Variants in RASSF8 observed in about 807,000 individuals in gnomAD.
The protein encoded by RASSF8 is Ras association domain family member 8.
RASSF8 carries 22 observed loss-of-function variants against 48.5 expected under a neutral mutation model. The ratio of observed to expected loss-of-function variants is 0.45; its 90% CI spans 0.32 to 0.65. RASSF8 has a LOEUF of 0.65. RASSF8 is among the 30% of genes least tolerant of loss of function. The pLI is 0.03. For synonymous variants in RASSF8, 127 were observed against 171.5 expected, an observed-to-expected ratio of 0.74 and a Z score of 2.03; for missense variants, 418 against 489.2, an observed-to-expected ratio of 0.85 and a Z score of 1.37.
chr12:26,020,468 T>C (rs920465431), intron 2 of RASSF8: 2 of 152,134 alleles, frequency 1.3e-5, no homozygotes, highest in African/African-American at 4.8e-5. Flanking sequence ...TAAAAATAGA[T>C]TGTAAATATA....
intron 2 of RASSF8, among the ~76,000 whole-genome samples, chr12:26,050,505 A>C (rs1943469235): frequency 6.6e-6 from 1 of 152,212 alleles, no homozygotes; most frequent in Admixed American, 6.5e-5. Context: ...GTCTTGACTC[A>C]AATCACACAA....
chr12:25,983,548 T>G (rs1292389561), intron 1 of RASSF8, among the ~76,000 whole-genome samples: 1 of 152,224 alleles, frequency 6.6e-6, no homozygotes, highest in Non-Finnish European at 1.5e-5. Context: ...TTAAAAATGT[T>G]GGGACCAACC....
At chr12:26,073,115 C>T (rs1422951561), downstream of RASSF8, among the ~76,000 whole-genome samples, 1 of 152,146 alleles carries the variant, frequency 6.6e-6, no homozygotes, top group Non-Finnish European at 1.5e-5. Flanking sequence ...TCTGTATTCC[C>T]AGATTTCCCT....
intron 2 of RASSF8, among the ~76,000 whole-genome samples, chr12:26,047,514 G>A (rs1943396970): frequency 6.6e-6 from 1 of 152,202 alleles, no homozygotes; most frequent in South Asian, 2.1e-4. Flanking sequence ...TTTGTGCAAA[G>A]ACTGGCTCTG....
chr12:26,054,568 C>T (rs1028190539), intron 2 of RASSF8, among the ~76,000 whole-genome samples: 2 of 152,134 alleles, frequency 1.3e-5, no homozygotes, highest in African/African-American at 2.4e-5. Context: ...CCCACCTGCC[C>T]TCATGCTGTG....
intron 2 of RASSF8, among the ~76,000 whole-genome samples, chr12:25,996,186 A>G (rs932681929): frequency 2.0e-5 from 3 of 152,212 alleles, no homozygotes; most frequent in Non-Finnish European, 4.4e-5. Context: ...TAATAAGGCA[A>G]TTTTGTTATA....
At position 25,990,643 on chromosome 12, in the gene RASSF8, G is replaced by A. The variant is rs973902630; in HGVS notation, c.-202-4394G>A. Among the ~76,000 whole-genome samples, 4 of 152,120 alleles carry A rather than the reference G, an allele frequency of 2.6e-5. No homozygotes were observed. The East Asian group carries it at 7.7e-4, about 29-fold the overall frequency. The stretch of plus-strand genomic sequence containing the variant: ...ACCTTCCTTACTAACATTGTGTATT[G>A]CGTTTAGCAAAACTGAATTATATTT... On this transcript the variant is annotated intron_variant, in intron 1 of 5. Coordinates refer to ENST00000689635, the MANE Select transcript of RASSF8 (RefSeq NM_001394098.1).
chr12:26,079,604 A>AAG (rs1944100567), exon 6 of RASSF8: 1 of 151,852 alleles, frequency 6.6e-6, no homozygotes, highest in South Asian at 2.1e-4. Flanking sequence ...AAAAAAAAAA[A>AAG]TAGATATTTT....
At chr12:25,972,316 A>T (rs945472308) in intron 1 of RASSF8, among the ~76,000 whole-genome samples, 4 of 152,180 alleles carry the variant, frequency 2.6e-5, no homozygotes, top group Non-Finnish European at 5.9e-5. Context: ...GGGGAAGTTT[A>T]TTATCAACCA....
chr12:26,014,648 GAAAC>G (rs1380071507), intron 2 of RASSF8, among the ~76,000 whole-genome samples: 1 of 151,620 alleles, frequency 6.6e-6, no homozygotes, highest in South Asian at 2.1e-4. Context: ...TTTGAAATAA[GAAAC>G]AAATTTTGAC....
intron 2 of RASSF8, among the ~76,000 whole-genome samples, chr12:26,019,839 T>C (rs1358114048): frequency 6.6e-6 from 1 of 152,150 alleles, no homozygotes; most frequent in African/African-American, 2.4e-5. Context: ...AACTGTGACT[T>C]AGATAATTCT....
chr12:26,065,270 A>G lies in RASSF8; in HGVS notation c.876A>G (p.Lys292=), dbSNP rs142363523. ...QEAQVNEEEV[K]GKIGKVKGEI... ...CACAGGTCAATGAGGAAGAGGTTAA[A>G]GGAAAGATCGGTAAGGTCAAAGGGG... is the stretch of plus-strand genomic sequence containing the variant. Residue 292 remains lysine (K), a synonymous_variant, in exon 4 of 6, where the codon AAA becomes AAG. Transcript: ENST00000689635. 2,161 of 1,614,196 alleles carry G rather than the reference A, an allele frequency of 1.3e-3. 4 individuals carry two copies. Among genetic ancestry groups the G allele is most frequent in the Non-Finnish European group, 1.7e-3 (2,058 of 1,180,022 alleles).
chr12:25,974,982 A>C (rs777335697), intron 1 of RASSF8, among the ~76,000 whole-genome samples: 1 of 152,224 alleles, frequency 6.6e-6, no homozygotes, highest in Non-Finnish European at 1.5e-5. Context: ...CTTTGTTAAA[A>C]GAGGGGCCTT....
chr12:26,033,212 C>T (rs929472236), intron 2 of RASSF8, among the ~76,000 whole-genome samples: 1 of 152,134 alleles, frequency 6.6e-6, no homozygotes, highest in East Asian at 1.9e-4. Context: ...ACATTCTTAC[C>T]AAAACTGAGG....
At chr12:25,970,259 C>T (rs1292815346) in intron 1 of RASSF8, among the ~76,000 whole-genome samples, 3 of 152,136 alleles carry the variant, frequency 2.0e-5, no homozygotes, top group Non-Finnish European at 4.4e-5. Flanking sequence ...CGGATCTGTG[C>T]TCCTGCAGTG....
At chr12:26,060,273 A>C (rs1322597172) in intron 3 of RASSF8, among the ~76,000 whole-genome samples, 1 of 152,150 alleles carries the variant, frequency 6.6e-6, no homozygotes, top group African/African-American at 2.4e-5. Flanking sequence ...ATTACATGAT[A>C]TACACTGGGA....
chr12:25,966,328 C>T (rs568946607), intron 1 of RASSF8, among the ~76,000 whole-genome samples: 1 of 152,258 alleles, frequency 6.6e-6, no homozygotes, highest in East Asian at 1.9e-4. Context: ...TCATAGTTCC[C>T]AAGTAGCTAG....
intron 1 of RASSF8, among the ~76,000 whole-genome samples, chr12:25,982,980 T>C (rs993060935): frequency 2.6e-5 from 4 of 152,178 alleles, no homozygotes; most frequent in African/African-American, 7.2e-5. Context: ...AGGCAGAAGC[T>C]AGTGCAGGTC....
intron 3 of RASSF8, among the ~76,000 whole-genome samples, chr12:26,062,993 T>C (rs538954252): frequency 1.3e-5 from 2 of 152,336 alleles, no homozygotes; most frequent in Admixed American, 1.3e-4. Flanking sequence ...CATATGCTTA[T>C]AGCAAAATCA....
Sources: allele counts gnomAD v4.1 joint callset (sites outside exome capture counted in the v4.1 genomes callset), GRCh38; gene constraint gnomAD v4.1.1; transcripts MANE v1.5; gene names NCBI Gene and HGNC (gene_info 2026-07-23, HGNC 2026-07-21).